NEGR1: variants seen among roughly 807,000 people sequenced by gnomAD.
NEGR1 encodes the protein neuronal growth regulator 1.
A neutral mutation model predicts 40.9 loss-of-function variants in NEGR1; 10 were observed. That is an observed-to-expected ratio of 0.24 (90% CI 0.15 to 0.42). The LOEUF is 0.42. Among genes scored for constraint, NEGR1 ranks in the 10% least tolerant of loss-of-function variants. The pLI, the probability that NEGR1 is intolerant of heterozygous loss-of-function variation, is 1.00. For missense variants in NEGR1, 352 were observed against 438.9 expected (o/e 0.80, Z 1.77); for synonymous variants, 185 against 166.8 (o/e 1.11, Z -0.84).
In NEGR1 at chr1:71,805,748, T is replaced by C. The variant is rs114835083; in HGVS notation, c.410-29451A>G. Among the ~76,000 whole-genome samples, 753 of 152,318 alleles carry C rather than the reference T, an allele frequency of 4.9e-3. 11 individuals are homozygous for C. The highest frequency in any genetic ancestry group is 0.017 in the African/African-American group (724 of 41,564). Reference sequence around the variant, plus strand: ...TGCTGTAATGTAAAATAGCAAAGAATTGAAATGCATGTGCACCTGGTTTAT... The same window carrying C: ...TGCTGTAATGTAAAATAGCAAAGAACTGAAATGCATGTGCACCTGGTTTAT... On this transcript the variant is annotated intron_variant, in intron 2 of 6. Transcript: ENST00000357731.
intron 1 of NEGR1, among the ~76,000 whole-genome samples, chr1:71,960,770 C>A (rs9425073): frequency 0.013 from 1,989 of 152,158 alleles, 40 homozygotes; most frequent in African/African-American, 0.045. Context: ...AAGCAGAAAT[C>A]TAATTTTGGT....
At chr1:72,245,895 T>C (rs1654887531) in intron 1 of NEGR1, among the ~76,000 whole-genome samples, 1 of 152,124 alleles carries the variant, frequency 6.6e-6, no homozygotes, top group Non-Finnish European at 1.5e-5. Flanking sequence ...TTTAATGACA[T>C]AAAACTGTAT....
chr1:71,592,369 T>C lies in NEGR1; in HGVS notation c.940+448A>G, dbSNP rs370530585. On this transcript the variant is annotated intron_variant, in intron 6 of 6. Transcript: ENST00000357731. ...ATTTTGTCCATGATCATTTACTTAC[T>C]GTTTCATTTTATGTATGGCTTGTGA... Among the ~76,000 whole-genome samples the C allele has an allele frequency of 9.2e-5, 14 of 152,308 alleles. No homozygotes were observed. The East Asian group carries it at 2.7e-3, about 29-fold the overall frequency.
intron 1 of NEGR1, among the ~76,000 whole-genome samples, chr1:72,148,016 G>T (rs1650974889): frequency 6.6e-6 from 1 of 152,024 alleles, no homozygotes; most frequent in Non-Finnish European, 1.5e-5. Flanking sequence ...CCAGGTGCAT[G>T]GTGCAAGCTG....
intron 1 of NEGR1, among the ~76,000 whole-genome samples, chr1:72,119,362 C>A (rs1349003165): frequency 1.3e-5 from 2 of 151,728 alleles, no homozygotes; most frequent in Non-Finnish European, 2.9e-5. Context: ...TCTTTTGTTT[C>A]TAATTGAGTA....
chr1:71,918,653 C>G (rs1419527240), intron 2 of NEGR1, among the ~76,000 whole-genome samples: 2 of 150,654 alleles, frequency 1.3e-5, no homozygotes, highest in Non-Finnish European at 1.5e-5. Context: ...GTAAAATGCT[C>G]TTTTTAAATG....
chr1:71,482,675 G>A (rs1346968537), intron 6 of NEGR1, among the ~76,000 whole-genome samples: 1 of 151,852 alleles, frequency 6.6e-6, no homozygotes. Flanking sequence ...AAAATAGCAA[G>A]TCTTCAAACC....
At chr1:71,970,226 G>A (rs1160886850) in intron 1 of NEGR1, among the ~76,000 whole-genome samples, 5 of 152,168 alleles carry the variant, frequency 3.3e-5, no homozygotes, top group Non-Finnish European at 2.9e-5. Flanking sequence ...GGTAGGGAAT[G>A]TACACCTATT....
chr1:72,010,018 G>A (rs956412770), intron 1 of NEGR1, among the ~76,000 whole-genome samples: 9 of 152,238 alleles, frequency 5.9e-5, no homozygotes, highest in Admixed American at 5.2e-4. Context: ...GAAATGACAG[G>A]AAGAGGAACC....
intron 1 of NEGR1, among the ~76,000 whole-genome samples, chr1:72,149,464 T>G (rs1025621049): frequency 6.6e-6 from 1 of 152,186 alleles, no homozygotes. Flanking sequence ...TTCCGTTCTA[T>G]GTCATATGCT....
chr1:71,629,215 A>C (rs529112779), intron 4 of NEGR1, among the ~76,000 whole-genome samples: 1 of 151,912 alleles, frequency 6.6e-6, no homozygotes, highest in Non-Finnish European at 1.5e-5. Context: ...TCTTCTTTTT[A>C]AGAAGTGTCT....
chr1:71,756,292 T>A (rs1368650915), intron 3 of NEGR1, among the ~76,000 whole-genome samples: 1 of 152,052 alleles, frequency 6.6e-6, no homozygotes, highest in African/African-American at 2.4e-5. Context: ...ATATCACATT[T>A]TAGTAAACTA....
intron 1 of NEGR1, among the ~76,000 whole-genome samples, chr1:72,182,303 G>C (rs1215758575): frequency 2.6e-5 from 4 of 152,086 alleles, no homozygotes; most frequent in African/African-American, 9.7e-5. Context: ...AAACCAGCCT[G>C]ACCAACATGG....
chr1:72,205,009 A>G (rs996600449), intron 1 of NEGR1, among the ~76,000 whole-genome samples: 1 of 152,096 alleles, frequency 6.6e-6, no homozygotes, highest in Non-Finnish European at 1.5e-5. Flanking sequence ...CAAACATGAA[A>G]CTTTACTGAT....
At chr1:71,752,635 T>C (rs186588822) in intron 3 of NEGR1, among the ~76,000 whole-genome samples, 13 of 151,618 alleles carry the variant, frequency 8.6e-5, no homozygotes, top group Admixed American at 8.5e-4. Context: ...TTAATATATT[T>C]CTTGGTCAAA....
chr1:72,032,913 A>C (rs1300797430), intron 1 of NEGR1, among the ~76,000 whole-genome samples: 1 of 152,166 alleles, frequency 6.6e-6, no homozygotes, highest in Admixed American at 6.6e-5. Context: ...ACAAAGATTA[A>C]AGGATTCACT....
intron 6 of NEGR1, among the ~76,000 whole-genome samples, chr1:71,585,740 T>C (rs1210831680): frequency 2.0e-5 from 3 of 150,380 alleles, no homozygotes; most frequent in Non-Finnish European, 4.4e-5. Context: ...CTTATGTGCA[T>C]GGCTGATTTA....
At chr1:71,827,512 T>C (rs181615647) in intron 2 of NEGR1, among the ~76,000 whole-genome samples, 1 of 152,018 alleles carries the variant, frequency 6.6e-6, no homozygotes, top group East Asian at 1.9e-4. Context: ...CTCACTGTTT[T>C]CATGGAAAAT....
At chr1:71,637,654 G>T (rs913023404) in intron 4 of NEGR1, among the ~76,000 whole-genome samples, 1 of 151,808 alleles carries the variant, frequency 6.6e-6, no homozygotes, top group Non-Finnish European at 1.5e-5. Context: ...TGTCACCATG[G>T]TTAATCAATA....
Sources: allele counts gnomAD v4.1 joint callset (sites outside exome capture counted in the v4.1 genomes callset), GRCh38; gene constraint gnomAD v4.1.1; transcripts MANE v1.5; gene names NCBI Gene and HGNC (gene_info 2026-07-23, HGNC 2026-07-21).